The following ESYT2 variants were observed in gnomAD, a reference collection of about 807,000 sequenced individuals.
ESYT2 encodes the protein extended synaptotagmin 2, also known as extended synaptotagmin-2.
In ESYT2, 54 loss-of-function variants were observed where a neutral mutation model predicts 107.2. That is an observed-to-expected ratio of 0.50 (90% CI 0.40 to 0.63). ESYT2 has a LOEUF of 0.63. Among genes scored for constraint, ESYT2 ranks in the 30% least tolerant of loss-of-function variants. ESYT2 has a pLI of 0.00. For synonymous variants in ESYT2, 491 were observed against 434.1 expected (o/e 1.13, Z -1.63); for missense variants, 1,020 against 1,094.5 (o/e 0.93, Z 0.96).
intron 6 of ESYT2, among the ~76,000 whole-genome samples, chr7:158,781,298 T>TGTGA (rs10692486): frequency 0.83 from 126,034 of 151,472 alleles, 52,961 homozygotes; most frequent in Non-Finnish European, 0.89. Context: ...CAGTGTGCGG[T>TGTGA]GTGTGAGAAC....
chr7:158,735,673 T>C (rs1021757458), intron 20 of ESYT2, 65 bp from the exon 21 acceptor site: 2 of 1,353,170 alleles, frequency 1.5e-6, no homozygotes, highest in East Asian at 4.6e-5. Flanking sequence ...TAACTAAAAA[T>C]GGCATTTCTG....
At chr7:158,784,955 C>G (rs1381580572) in intron 6 of ESYT2, among the ~76,000 whole-genome samples, 2 of 152,176 alleles carry the variant, frequency 1.3e-5, no homozygotes, top group East Asian at 1.9e-4. Flanking sequence ...CTCCGGGATC[C>G]CCTCTAGTCG....
chr7:158,774,112 ACAT>A (rs1334735496), intron 6 of ESYT2, among the ~76,000 whole-genome samples: 3 of 152,266 alleles, frequency 2.0e-5, no homozygotes, highest in Non-Finnish European at 4.4e-5. Flanking sequence ...ACAAAACAGC[ACAT>A]AATAAAATTA....
Position 158,752,810 on chromosome 7 carries a change from T to G in ESYT2, c.1453A>C (p.Lys485Gln). 1 of 1,304,202 alleles carries G rather than the reference T, an allele frequency of 7.7e-7. No individual in the cohort carries two copies. The highest frequency in any genetic ancestry group is 1.0e-6 in the Non-Finnish European group (1 of 988,986). 80.8% of individuals were successfully genotyped at this position (1,304,202 alleles called of 1,614,324 possible). A position where few individuals can be genotyped will look rare whatever the true frequency, so the allele number is the denominator to read the frequency against. Residue 485 changes from lysine to glutamine, a missense_variant, in exon 14 of 23, where the codon AAG becomes CAG. Transcript: ENST00000275418. ...NPLEFNPDVL[K>Q]KTAVQRALKS... ...AAAGCTCTCTGAACTGCAGTCTTCT[T>G]CAAGACATCGGGGTTAAATTCTAAT...
intron 8 of ESYT2, among the ~76,000 whole-genome samples, chr7:158,766,397 A>C (rs1196855445): frequency 6.6e-6 from 1 of 152,206 alleles, no homozygotes; most frequent in Admixed American, 6.5e-5. Context: ...TCAGAGCATA[A>C]GAGGCTTAGG....
At chr7:158,815,960 G>A (rs1348208982) in intron 1 of ESYT2, among the ~76,000 whole-genome samples, 1 of 152,188 alleles carries the variant, frequency 6.6e-6, no homozygotes, top group East Asian at 1.9e-4. Flanking sequence ...AAACAGGGTA[G>A]TGTGGGAAGC....
intron 6 of ESYT2, among the ~76,000 whole-genome samples, chr7:158,782,210 C>A (rs369905707): frequency 7.2e-6 from 1 of 139,246 alleles, no homozygotes; most frequent in African/African-American, 2.7e-5. Flanking sequence ...CAAGTGTGAA[C>A]GTGTGAGAAC....
At chr7:158,740,028 C>T (rs1018165676) in intron 18 of ESYT2, among the ~76,000 whole-genome samples, 3 of 152,228 alleles carry the variant, frequency 2.0e-5, no homozygotes, top group Non-Finnish European at 4.4e-5. Flanking sequence ...GCCTCGAGAG[C>T]AGCAGTGTTA....
At chr7:158,762,620 A>G (rs1838010992) in intron 10 of ESYT2, among the ~76,000 whole-genome samples, 1 of 152,258 alleles carries the variant, frequency 6.6e-6, no homozygotes, top group African/African-American at 2.4e-5. Context: ...TAGTTGTTCA[A>G]TTGAAGTGAA....
At chr7:158,820,658 T>C (rs1840263109) in intron 1 of ESYT2, among the ~76,000 whole-genome samples, 1 of 152,108 alleles carries the variant, frequency 6.6e-6, no homozygotes, top group African/African-American at 2.4e-5. Flanking sequence ...TGGTGGCGCA[T>C]GCCTGTAGCC....
Position 158,783,460 on chromosome 7 carries a change from T to C in ESYT2, c.747+4544A>G, listed in dbSNP as rs552208359. Among the ~76,000 whole-genome samples, 8 of 152,284 alleles carry C rather than the reference T, an allele frequency of 5.3e-5. No individual in the cohort carries two copies. The South Asian group carries it at 1.5e-3, about 28-fold the overall frequency. ...ACTCAGGGCTCCCACCTTTCTCCAG[T>C]TTTTTATTTAGCAGATCTGGGCTGT... On this transcript the variant is annotated intron_variant, in intron 6 of 22. Coordinates refer to ENST00000275418, the MANE Select transcript of ESYT2 (RefSeq NM_001367773.1).
intron 1 of ESYT2, among the ~76,000 whole-genome samples, chr7:158,814,360 T>C (rs1840091138): frequency 2.3e-5 from 3 of 129,740 alleles, no homozygotes; most frequent in Non-Finnish European, 3.2e-5. Flanking sequence ...ATAATATACC[T>C]TACTCGTCCA....
At chr7:158,749,345 C>T (rs561293371) in intron 15 of ESYT2, among the ~76,000 whole-genome samples, 1 of 152,290 alleles carries the variant, frequency 6.6e-6, no homozygotes, top group East Asian at 1.9e-4. Flanking sequence ...TCTCGAACTC[C>T]TGACCTCAAG....
At position 158,755,220 on chromosome 7, in the gene ESYT2, C is replaced by T. The variant is rs553442022; in HGVS notation, c.1420-2377G>A. On this transcript the variant is annotated intron_variant, in intron 13 of 22. Coordinates refer to ENST00000275418, the MANE Select transcript of ESYT2 (RefSeq NM_001367773.1). ...AGTAAGAGAGCACTGGGTTGGCAGC[C>T]GTCAAAGCCTTCACCAGTGACAGCA... Among the ~76,000 whole-genome samples the T allele has an allele frequency of 3.2e-4, 49 of 152,262 alleles. 1 individual carries two copies. Among genetic ancestry groups the T allele is most frequent in the African/African-American group, 1.2e-3 (49 of 41,556 alleles).
In ESYT2 at chr7:158,804,432, C is replaced by G. The variant is rs563673379; in HGVS notation, c.331-5360G>C. On this transcript the variant is annotated intron_variant, in intron 1 of 22. Coordinates refer to ENST00000275418, the MANE Select transcript of ESYT2 (RefSeq NM_001367773.1). The stretch of plus-strand genomic sequence containing the variant: ...AGAAAAGTGAGGCACGTGACAAACC[C>G]AAACTGCCGAGAAAGGTGAGGTGTG... Among the ~76,000 whole-genome samples, 23 of 148,422 alleles carry G rather than the reference C, an allele frequency of 1.5e-4. No individual in the cohort carries two copies. In the East Asian group the frequency reaches 2.4e-3, roughly 16 times the overall value.
intron 6 of ESYT2, among the ~76,000 whole-genome samples, chr7:158,775,346 G>T (rs942775622): frequency 2.0e-5 from 3 of 150,706 alleles, no homozygotes; most frequent in Admixed American, 1.3e-4. Context: ...TGCATTGACT[G>T]ACTCTGCCTT....
At chr7:158,778,835 T>C (rs953500274) in intron 6 of ESYT2, among the ~76,000 whole-genome samples, 6 of 151,860 alleles carry the variant, frequency 4.0e-5, no homozygotes, top group Non-Finnish European at 8.8e-5. Context: ...ACCGTGTGAC[T>C]GGCTGGCTTC....
intron 16 of ESYT2, among the ~76,000 whole-genome samples, chr7:158,745,787 T>A (rs1837382511): frequency 6.6e-6 from 1 of 151,806 alleles, no homozygotes; most frequent in Non-Finnish European, 1.5e-5. Context: ...ATTAAGGAAA[T>A]AATAATAATC....
chr7:158,825,924 C>T (rs1840425627), intron 1 of ESYT2, among the ~76,000 whole-genome samples: 1 of 151,902 alleles, frequency 6.6e-6, no homozygotes, highest in Non-Finnish European at 1.5e-5. Context: ...GTGGCTCACA[C>T]CTGTAATCCC....
Sources: allele counts gnomAD v4.1 joint callset (sites outside exome capture counted in the v4.1 genomes callset), GRCh38; gene constraint gnomAD v4.1.1; transcripts MANE v1.5; gene names NCBI Gene and HGNC (gene_info 2026-07-23, HGNC 2026-07-21).